PDE1C: variants seen among roughly 807,000 people sequenced by gnomAD.
PDE1C encodes the protein phosphodiesterase 1C.
In PDE1C, 62 loss-of-function variants were observed where a neutral mutation model predicts 93.1. The ratio of observed to expected loss-of-function variants is 0.67; its 90% CI spans 0.54 to 0.82. The LOEUF is 0.82. Ranked by LOEUF, PDE1C falls within the 40% of genes least tolerant of loss-of-function variation. PDE1C has a pLI of 0.00. For synonymous variants in PDE1C, 325 were observed against 310.1 expected, an observed-to-expected ratio of 1.05 and a Z score of -0.50; for missense variants, 742 against 884.6, an observed-to-expected ratio of 0.84 and a Z score of 2.04.
intron 17 of PDE1C, among the ~76,000 whole-genome samples, chr7:31,769,364 T>G (rs1795335550): frequency 1.3e-5 from 2 of 152,304 alleles, no homozygotes; most frequent in Middle Eastern, 3.4e-3. Context: ...TCCTCACCCT[T>G]GATGTAGCTT....
chr7:31,645,564 G>A, the PDE1C span, among the ~76,000 whole-genome samples: 121 of 152,140 alleles, frequency 8.0e-4, no homozygotes, highest in Non-Finnish European at 1.5e-3. Flanking sequence ...CAAATCCTGG[G>A]TAACAGTAGG....
intron 3 of PDE1C, among the ~76,000 whole-genome samples, chr7:32,129,688 C>A (rs1799814183): frequency 6.6e-6 from 1 of 151,862 alleles, no homozygotes; most frequent in African/African-American, 2.4e-5. Flanking sequence ...AAACTTTTTG[C>A]AAGTACTTTC....
chr7:32,341,563 T>G (rs1350201015), intron 1 of PDE1C, among the ~76,000 whole-genome samples: 1 of 152,116 alleles, frequency 6.6e-6, no homozygotes, highest in Admixed American at 6.5e-5. Flanking sequence ...CAACAGGCTA[T>G]TGTTGCTACT....
chr7:32,066,276 G>A (rs576705499), intron 1 of PDE1C, among the ~76,000 whole-genome samples: 10 of 152,280 alleles, frequency 6.6e-5, no homozygotes, highest in Admixed American at 6.5e-4. Flanking sequence ...GCATAGTAAG[G>A]TGGATGGGAA....
chr7:31,775,565 A>G (rs960714200), intron 17 of PDE1C, 99 bp downstream of exon 17: 14 of 948,576 alleles, frequency 1.5e-5, no homozygotes, highest in Non-Finnish European at 2.2e-5. Context: ...CTGGATAACT[A>G]TGGGGCCATG....
chr7:32,165,989 C>A (rs1214087294), intron 3 of PDE1C, among the ~76,000 whole-genome samples: 1 of 151,296 alleles, frequency 6.6e-6, no homozygotes, highest in Admixed American at 6.6e-5. Flanking sequence ...AAGTTTGAAT[C>A]ATCAGACCAC....
At chr7:31,955,771 G>T (rs1240361442) in intron 2 of PDE1C, among the ~76,000 whole-genome samples, 2 of 152,120 alleles carry the variant, frequency 1.3e-5, no homozygotes, top group Non-Finnish European at 2.9e-5. Flanking sequence ...GTCACTGAAG[G>T]AATATACTGA....
intron 1 of PDE1C, among the ~76,000 whole-genome samples, chr7:32,284,085 T>C (rs187896078): frequency 1.3e-5 from 2 of 152,264 alleles, no homozygotes; most frequent in Admixed American, 1.3e-4. Context: ...TCCTAGAACA[T>C]TTAAATATTG....
intron 2 of PDE1C, among the ~76,000 whole-genome samples, chr7:31,996,472 A>G (rs1784744891): frequency 6.6e-6 from 1 of 152,198 alleles, no homozygotes; most frequent in African/African-American, 2.4e-5. Context: ...TGTCTTTTGG[A>G]TGGGTGACCT....
chr7:31,662,284 C>G, the PDE1C span, among the ~76,000 whole-genome samples: 15 of 152,232 alleles, frequency 9.9e-5, no homozygotes, highest in African/African-American at 3.6e-4. Context: ...AAAGATTATT[C>G]TAAAGTGATG....
At position 31,943,854 on chromosome 7, in the gene PDE1C, T is replaced by G. The variant is rs765779275; in HGVS notation, c.129-62994A>C. On this transcript the variant is annotated intron_variant, in intron 2 of 17. Coordinates refer to ENST00000396191, the MANE Select transcript of PDE1C (RefSeq NM_001191057.4). ...TGAAAAAACGGCCAGTTCAGAACTATGGCAGAATCTTTAAAATATAATTTC... is the reference window on the plus strand; with the variant it reads ...TGAAAAAACGGCCAGTTCAGAACTAGGGCAGAATCTTTAAAATATAATTTC... 2.0e-5 allele frequency among the ~76,000 whole-genome samples: 3 copies of G among 152,178 alleles called. 1 individual carries two copies. The highest frequency in any genetic ancestry group is 4.4e-5 in the Non-Finnish European group (3 of 68,018).
chr7:32,350,306 G>A (rs965486257), intron 1 of PDE1C, among the ~76,000 whole-genome samples: 5 of 152,018 alleles, frequency 3.3e-5, no homozygotes, highest in South Asian at 4.1e-4. Flanking sequence ...CAGACATCAC[G>A]TCATTTCATC....
chr7:32,076,406 C>T (rs997258081), upstream of PDE1C, among the ~76,000 whole-genome samples: 5 of 151,900 alleles, frequency 3.3e-5, no homozygotes, highest in Non-Finnish European at 7.4e-5. Flanking sequence ...TCTGAGAGGC[C>T]GACGTGGCCG....
intron 1 of PDE1C, among the ~76,000 whole-genome samples, chr7:32,386,910 G>A (rs1210643760): frequency 1.3e-5 from 2 of 151,298 alleles, no homozygotes; most frequent in Non-Finnish European, 2.9e-5. Context: ...TCATTCTTGG[G>A]TGTTTCTCGC....
chr7:32,188,376 A>C (rs573484100), intron 2 of PDE1C, among the ~76,000 whole-genome samples: 1 of 152,024 alleles, frequency 6.6e-6, no homozygotes, highest in African/African-American at 2.4e-5. Flanking sequence ...CGATTCATTT[A>C]TTTATGTTGG....
At chr7:32,110,431 T>A (rs897353658) in intron 3 of PDE1C, among the ~76,000 whole-genome samples, 1 of 152,126 alleles carries the variant, frequency 6.6e-6, no homozygotes, top group South Asian at 2.1e-4. Context: ...ACTGGGTTCC[T>A]CCCATGACAC....
chr7:31,841,148 T>A (rs1246903120), intron 9 of PDE1C, among the ~76,000 whole-genome samples: 1 of 151,804 alleles, frequency 6.6e-6, no homozygotes, highest in Non-Finnish European at 1.5e-5. Flanking sequence ...TGTTATGTGC[T>A]ATTGTAAAAA....
chr7:31,721,094 T>C, the PDE1C span, among the ~76,000 whole-genome samples: 4 of 152,206 alleles, frequency 2.6e-5, no homozygotes, highest in African/African-American at 7.2e-5. Context: ...CAATGTTAAC[T>C]ACATAATGCT....
intron 2 of PDE1C, among the ~76,000 whole-genome samples, chr7:31,938,910 C>T (rs1406333033): frequency 6.6e-6 from 1 of 152,114 alleles, no homozygotes; most frequent in East Asian, 1.9e-4. Flanking sequence ...AGCTACAGTG[C>T]ACTAATGACA....
Sources: gnomAD v4.1 joint callset for allele counts (sites outside exome capture counted in the v4.1 genomes callset) on GRCh38, gnomAD v4.1.1 for gene constraint, MANE v1.5 for transcripts, NCBI Gene and HGNC (gene_info 2026-07-23, HGNC 2026-07-21) for gene names.